Variants in CDH13 observed in about 807,000 individuals in gnomAD.
The protein encoded by CDH13 is cadherin 13, also known as cadherin-13.
A neutral mutation model predicts 63.8 loss-of-function variants in CDH13; 24 were observed. The ratio of observed to expected loss-of-function variants is 0.38; its 90% CI spans 0.27 to 0.53. CDH13 has a LOEUF of 0.53. Among genes scored for constraint, CDH13 ranks in the 20% least tolerant of loss-of-function variants. The pLI is 0.85. For synonymous variants in CDH13, 503 were observed against 355.3 expected (o/e 1.42, Z -4.67); for missense variants, 1,049 against 903.1 (o/e 1.16, Z -2.07).
intron 7 of CDH13, among the ~76,000 whole-genome samples, chr16:83,512,154 T>C (rs911786663): frequency 1.4e-5 from 2 of 146,878 alleles, no homozygotes; most frequent in Non-Finnish European, 3.0e-5. Flanking sequence ...ACTCCATCTG[T>C]CCTAAAAATA....
At chr16:83,611,722 TC>T (rs911106998) in intron 8 of CDH13, among the ~76,000 whole-genome samples, 1 of 152,126 alleles carries the variant, frequency 6.6e-6, no homozygotes, top group Non-Finnish European at 1.5e-5. Context: ...TGATGTATTT[TC>T]ATTATCATTC....
Position 83,046,587 on chromosome 16 carries a change from G to T in CDH13, c.366+14369G>T, listed in dbSNP as rs28562932. 7.5e-3 allele frequency among the ~76,000 whole-genome samples: 1,138 copies of T among 152,228 alleles called. 11 individuals carry two copies. Among genetic ancestry groups the T allele is most frequent in the African/African-American group, 0.026 (1,079 of 41,528 alleles). On this transcript the variant is annotated intron_variant, in intron 3 of 13. Coordinates refer to ENST00000567109, the MANE Select transcript of CDH13 (RefSeq NM_001257.5). ...ATCTTATAGCTCTTAGCAATTCCTTGTCTTCAAAGACTGGAGGAAATAGCC... is the reference window on the plus strand; with the variant it reads ...ATCTTATAGCTCTTAGCAATTCCTTTTCTTCAAAGACTGGAGGAAATAGCC...
At chr16:83,745,815 C>A (rs1026519002) in intron 10 of CDH13, among the ~76,000 whole-genome samples, 1 of 152,206 alleles carries the variant, frequency 6.6e-6, no homozygotes, top group Non-Finnish European at 1.5e-5. Flanking sequence ...ATCCCACCCA[C>A]CACACTTCGA....
chr16:83,602,107 CAAAAAAAAAAAA>C (rs869202510), intron 7 of CDH13, among the ~76,000 whole-genome samples: 7 of 7,960 alleles, frequency 8.8e-4, no homozygotes, highest in Non-Finnish European at 9.3e-4. Context: ...AGAACAACAA[CAAAAAAAAAAAA>C]AAAAAAAAAA....
chr16:83,323,175 T>G (rs56220515), intron 5 of CDH13, among the ~76,000 whole-genome samples: 2 of 61,552 alleles, frequency 3.2e-5, no homozygotes, highest in African/African-American at 1.4e-4. Context: ...CTCTTTCTTT[T>G]TTCTTTCTTT....
intron 7 of CDH13, among the ~76,000 whole-genome samples, chr16:83,501,093 C>G (rs957732504): frequency 6.6e-6 from 1 of 152,222 alleles, no homozygotes; most frequent in Non-Finnish European, 1.5e-5. Context: ...CAATGGCTTT[C>G]CTGGCTAAAC....
chr16:83,735,002 A>G (rs1467543069), intron 10 of CDH13, among the ~76,000 whole-genome samples: 1 of 150,140 alleles, frequency 6.7e-6, no homozygotes, highest in East Asian at 1.9e-4. Context: ...TGGTTATTCA[A>G]AAAAAAAAAA....
chr16:82,819,617 G>C (rs983592132), intron 1 of CDH13, among the ~76,000 whole-genome samples: 11 of 152,200 alleles, frequency 7.2e-5, no homozygotes, highest in Non-Finnish European at 1.3e-4. Flanking sequence ...TAAGACACCT[G>C]CATGAAAGTT....
chr16:83,033,790 A>G (rs527384122), intron 3 of CDH13, among the ~76,000 whole-genome samples: 3 of 152,312 alleles, frequency 2.0e-5, no homozygotes, highest in South Asian at 2.1e-4. Flanking sequence ...TCGTGAGAAA[A>G]GGAGGGCAAG....
intron 6 of CDH13, among the ~76,000 whole-genome samples, chr16:83,473,035 C>G (rs1255285264): frequency 2.0e-5 from 3 of 152,256 alleles, no homozygotes; most frequent in African/African-American, 7.2e-5. Flanking sequence ...AAAAAGCTAC[C>G]CCAGTCTGTG....
intron 8 of CDH13, among the ~76,000 whole-genome samples, chr16:83,624,472 C>A (rs1047537004): frequency 4.3e-4 from 66 of 152,080 alleles, no homozygotes; most frequent in African/African-American, 1.5e-3. Context: ...CACCTTAGAT[C>A]ATCAGGCATC....
At chr16:82,948,472 T>A (rs1372631131) in intron 2 of CDH13, among the ~76,000 whole-genome samples, 1 of 152,212 alleles carries the variant, frequency 6.6e-6, no homozygotes, top group African/African-American at 2.4e-5. Flanking sequence ...AAAAATACAT[T>A]TGTGTTTCTT....
At chr16:83,771,410 G>A (rs9937114) in intron 11 of CDH13, among the ~76,000 whole-genome samples, 4,099 of 152,264 alleles carry the variant, frequency 0.027, 195 homozygotes, top group African/African-American at 0.095. Flanking sequence ...GTCCTATCGT[G>A]GTCATATAAT....
At chr16:83,059,402 G>A (rs2031285758) in intron 3 of CDH13, among the ~76,000 whole-genome samples, 1 of 152,148 alleles carries the variant, frequency 6.6e-6, no homozygotes, top group Non-Finnish European at 1.5e-5. Flanking sequence ...AGTCATGTAA[G>A]CTTAGGTTGA....
At chr16:82,677,141 C>G (rs929047228) in intron 1 of CDH13, among the ~76,000 whole-genome samples, 1 of 152,210 alleles carries the variant, frequency 6.6e-6, no homozygotes, top group Non-Finnish European at 1.5e-5. Flanking sequence ...CTTGGCCTCC[C>G]AAAGTGGTGG....
At chr16:83,295,962 T>G (rs997547520) in intron 5 of CDH13, among the ~76,000 whole-genome samples, 7 of 152,196 alleles carry the variant, frequency 4.6e-5, no homozygotes, top group African/African-American at 1.4e-4. Flanking sequence ...AAACTATTTT[T>G]AATTGAAAGA....
At chr16:83,412,594 T>C (rs1447169111) in intron 6 of CDH13, among the ~76,000 whole-genome samples, 1 of 152,184 alleles carries the variant, frequency 6.6e-6, no homozygotes. Context: ...CACCCATCTT[T>C]ATTTGTGGTC....
At chr16:82,845,404 G>C (rs1413155259) in intron 1 of CDH13, among the ~76,000 whole-genome samples, 1 of 152,170 alleles carries the variant, frequency 6.6e-6, no homozygotes, top group South Asian at 2.1e-4. Context: ...AATGCAAAGA[G>C]ACTGAGGGCA....
At chr16:83,250,301 C>A (rs989064243) in intron 5 of CDH13, among the ~76,000 whole-genome samples, 20 of 152,282 alleles carry the variant, frequency 1.3e-4, no homozygotes, top group East Asian at 1.9e-4. Context: ...ATTCAAAGAA[C>A]ACCTGATTTA....
Sources: gnomAD v4.1 joint callset for allele counts (sites outside exome capture counted in the v4.1 genomes callset) on GRCh38, gnomAD v4.1.1 for gene constraint, MANE v1.5 for transcripts, NCBI Gene and HGNC (gene_info 2026-07-23, HGNC 2026-07-21) for gene names.